KDM4D: variants seen among roughly 807,000 people sequenced by gnomAD.
The protein encoded by KDM4D is lysine-specific demethylase 4D.
For missense variants in KDM4D, 427 were observed against 674.8 expected (o/e 0.63, Z 4.07); for synonymous variants, 254 against 249.1 (o/e 1.02, Z -0.19).
rs782044576 is a variant in KDM4D, at chr11:94,997,328, A to G, written c.-45A>G. On this transcript the variant is annotated 5_prime_UTR_variant, in exon 3 of 3. Transcript: ENST00000335080. Reference sequence around the variant, plus strand: ...AAAGTAGCATTTTCCTACATTGTCAACTATCTAGAACATACCTAAAAACTA... The same window carrying G: ...AAAGTAGCATTTTCCTACATTGTCAGCTATCTAGAACATACCTAAAAACTA... 1 of 1,428,652 alleles carries G rather than the reference A, an allele frequency of 7.0e-7. No individual in the cohort carries two copies. The highest frequency in any genetic ancestry group is 9.3e-7 in the Non-Finnish European group (1 of 1,078,066). The allele number at this position is 1,428,652 out of a possible 1,614,324, so 88.5% of individuals were successfully genotyped here. A position where few individuals can be genotyped will look rare whatever the true frequency, so the allele number is the denominator to read the frequency against.
chr11:94,980,012 T>C (rs1193107303), intron 2 of KDM4D, among the ~76,000 whole-genome samples: 4 of 152,230 alleles, frequency 2.6e-5, no homozygotes, highest in African/African-American at 9.6e-5. Context: ...GTGAGGTATC[T>C]GTTTAAATCT....
chr11:94,994,172 T>C (rs1743488433), intron 2 of KDM4D, among the ~76,000 whole-genome samples: 1 of 152,198 alleles, frequency 6.6e-6, no homozygotes, highest in South Asian at 2.1e-4. Flanking sequence ...TGACAGGCAC[T>C]GACCATATGT....
chr11:94,980,943 T>A (rs1209421992), intron 2 of KDM4D, among the ~76,000 whole-genome samples: 1 of 152,130 alleles, frequency 6.6e-6, no homozygotes, highest in East Asian at 1.9e-4. Flanking sequence ...ACTTCCAAGA[T>A]AATGTTGAAT....
rs954152212 is a variant in KDM4D, at chr11:94,973,890, G to A, written c.-623G>A. 1.3e-5 allele frequency: 2 copies of A among 152,300 alleles called. No homozygotes were observed. The highest frequency in any genetic ancestry group is 1.5e-5 in the Non-Finnish European group (1 of 68,074). 9.4% of individuals were successfully genotyped at this position (152,300 alleles called of 1,614,324 possible). ...GACACCACGTCCCCGGCTAGCGGGA[G>A]AGAGCGTGGAAAAGGATTACACCAA... On this transcript the variant is annotated 5_prime_UTR_variant, in exon 1 of 3. Coordinates refer to ENST00000335080, the MANE Select transcript of KDM4D (RefSeq NM_018039.3).
At position 94,998,915 on chromosome 11, in the gene KDM4D, T is replaced by G; in HGVS notation, c.1543T>G (p.Ser515Ala). The change falls in exon 3 of 3, where the codon TCT becomes GCT. Residue 515 changes from serine (S) to alanine (A), a missense_variant. Coordinates refer to ENST00000335080, the MANE Select transcript of KDM4D (RefSeq NM_018039.3). This position sits in a 1 kb window ranked among gnomAD's most constrained non-coding sequence, Gnocchi z 6.7. The part of the protein sequence containing the change: ...SPGLQHPVKA[S>A]GCSWAPVP ...AGGGCTCCAGCATCCTGTCAAGGCT[T>G]CTGGGTGCAGCTGGGCCCCTGTGCC... 1 of 1,513,036 alleles carries G rather than the reference T, an allele frequency of 6.6e-7. No individual in the cohort carries two copies. The highest frequency in any genetic ancestry group is 8.8e-7 in the Non-Finnish European group (1 of 1,130,688). The allele number at this position is 1,513,036 out of a possible 1,614,324, so 93.7% of individuals were successfully genotyped here. A position where few individuals can be genotyped will look rare whatever the true frequency, so the allele number is the denominator to read the frequency against.
At chr11:94,974,221 G>C (rs1857775728) in intron 1 of KDM4D, among the ~76,000 whole-genome samples, 153 bp downstream of exon 1, 1 of 152,146 alleles carries the variant, frequency 6.6e-6, no homozygotes, top group Non-Finnish European at 1.5e-5. Flanking sequence ...ACTACCAGGA[G>C]CACAAGATGT....
intron 2 of KDM4D, among the ~76,000 whole-genome samples, chr11:94,979,472 C>T (rs1014499798): frequency 2.0e-5 from 3 of 152,196 alleles, no homozygotes; most frequent in African/African-American, 4.8e-5. Context: ...TCAAGTGATA[C>T]ACCTGCCTCG....
intron 2 of KDM4D, among the ~76,000 whole-genome samples, chr11:94,991,966 T>C (rs1857938703): frequency 6.6e-6 from 1 of 152,024 alleles, no homozygotes; most frequent in Non-Finnish European, 1.5e-5. Context: ...CCAAGAATCA[T>C]ATTCATATCC....
At chr11:94,990,879 TCC>T (rs1857929282) in intron 2 of KDM4D, among the ~76,000 whole-genome samples, 1 of 152,162 alleles carries the variant, frequency 6.6e-6, no homozygotes, top group Non-Finnish European at 1.5e-5. Context: ...AGCCCTAGGT[TCC>T]CACCCTCCTC....
intron 2 of KDM4D, among the ~76,000 whole-genome samples, chr11:94,982,248 T>C (rs183020801): frequency 1.1e-4 from 16 of 152,048 alleles, no homozygotes; most frequent in African/African-American, 3.6e-4. Context: ...TTTTGTAAAT[T>C]TTTTATAGAA....
At chr11:94,993,089 A>G (rs1857948749) in intron 2 of KDM4D, among the ~76,000 whole-genome samples, 1 of 152,118 alleles carries the variant, frequency 6.6e-6, no homozygotes, top group Admixed American at 6.6e-5. Flanking sequence ...AAACTTACTC[A>G]GCTTCACTTC....
Position 94,999,041 on chromosome 11 carries a change from ACT to A in KDM4D, c.*100_*101del. ...CCAAAACTTTGGTTGAGTTTGCAGG[ACT>A]CTAGGCATGCATGAAAGAGCCCCCC... On this transcript the variant is annotated 3_prime_UTR_variant, in exon 3 of 3. Coordinates refer to ENST00000335080, the MANE Select transcript of KDM4D (RefSeq NM_018039.3). 1.7e-6 allele frequency: 2 copies of A among 1,205,458 alleles called. No homozygotes were observed. The highest frequency in any genetic ancestry group is 5.3e-5 in the South Asian group (2 of 37,692). The allele number at this position is 1,205,458 out of a possible 1,614,324, so 74.7% of individuals were successfully genotyped here.
intron 2 of KDM4D, among the ~76,000 whole-genome samples, chr11:94,991,315 A>G (rs1184027590): frequency 6.6e-6 from 1 of 152,194 alleles, no homozygotes; most frequent in Admixed American, 6.5e-5. Flanking sequence ...ACTAAAGGCT[A>G]CCAGACATGT....
At position 94,998,191 on chromosome 11, in the gene KDM4D, G is replaced by C. The variant is rs782180719; in HGVS notation, c.819G>C (p.Val273=). 3 of 1,614,192 alleles carry C rather than the reference G, an allele frequency of 1.9e-6. No individual in the cohort carries two copies. In the Admixed American group the frequency reaches 5.0e-5, roughly 27 times the overall value. ...CTCAGGAGGCTGGAGAGTTCATGGT[G>C]ACCTTTCCCTATGGCTACCATGCTG... is the stretch of plus-strand genomic sequence containing the variant. The part of the protein sequence containing the change: ...RITQEAGEFM[V]TFPYGYHAGF... The change falls in exon 3 of 3, where the codon GTG becomes GTC. Residue 273 remains valine, a synonymous_variant. Transcript: ENST00000335080. The surrounding 1 kb of genome is among the most constrained non-coding windows in gnomAD (Gnocchi z 6.7).
chr11:94,998,679 C>G lies in KDM4D; in HGVS notation c.1307C>G (p.Thr436Ser). Residue 436 changes from threonine (T) to serine (S), a missense_variant, in exon 3 of 3, where the codon ACC (threonine) becomes AGC (serine). Transcript: ENST00000335080. The surrounding 1 kb of genome is among the most constrained non-coding windows in gnomAD (Gnocchi z 6.7). The stretch of plus-strand genomic sequence containing the variant: ...AAGCCCAGCTCAACTCCATCATCCA[C>G]CCCTGGTCCATCTGCACAGATTATC... ...SKKPSSTPSS[T>S]PGPSAQIIHP... 1 of 1,614,222 alleles carries G rather than the reference C, an allele frequency of 6.2e-7. No homozygotes were observed. The highest frequency in any genetic ancestry group is 8.5e-7 in the Non-Finnish European group (1 of 1,180,042).
chr11:94,987,489 A>G lies in KDM4D; in HGVS notation c.-349-9535A>G, dbSNP rs1224014248. On this transcript the variant is annotated intron_variant, in intron 2 of 2. Transcript: ENST00000335080. ...CATATAAATGTAGAGTCTTTTCATT[A>G]TAGTCTTATCTTCAACTACTGACAG... Among the ~76,000 whole-genome samples the G allele has an allele frequency of 2.0e-5, 3 of 152,206 alleles. No homozygotes were observed. The East Asian group carries it at 5.8e-4, about 29-fold the overall frequency.
intron 2 of KDM4D, among the ~76,000 whole-genome samples, chr11:94,986,578 A>T (rs1028976367): frequency 2.0e-5 from 3 of 152,232 alleles, no homozygotes; most frequent in Non-Finnish European, 4.4e-5. Context: ...CCTGGGCAAC[A>T]GAGTGAGACC....
chr11:94,979,376 C>T (rs1459956567), intron 2 of KDM4D, among the ~76,000 whole-genome samples: 3 of 151,976 alleles, frequency 2.0e-5, no homozygotes, highest in Non-Finnish European at 2.9e-5. Flanking sequence ...ATTACAGGTG[C>T]GTGCCACCAT....
rs973291467 is a variant in KDM4D, at chr11:94,997,229, A to G, written c.-144A>G. 17 of 479,328 alleles carry G rather than the reference A, an allele frequency of 3.5e-5. No individual in the cohort carries two copies. The Admixed American group carries it at 5.9e-4, about 17-fold the overall frequency. 29.7% of individuals were successfully genotyped at this position (479,328 alleles called of 1,614,324 possible). On this transcript the variant is annotated 5_prime_UTR_variant, in exon 3 of 3. Coordinates refer to ENST00000335080, the MANE Select transcript of KDM4D (RefSeq NM_018039.3). The stretch of plus-strand genomic sequence containing the variant: ...ATAAACAAGCCCAAGAAAGATTATC[A>G]TCTCATTTGCAAAAAAAAAAGTACG...
Sources: allele counts gnomAD v4.1 joint callset (sites outside exome capture counted in the v4.1 genomes callset), GRCh38; gene constraint gnomAD v4.1.1; non-coding constraint Gnocchi (gnomAD v3.1); transcripts MANE v1.5; gene names NCBI Gene and HGNC (gene_info 2026-07-23, HGNC 2026-07-21).